Variants in KAZN observed in about 807,000 individuals in gnomAD.
The protein encoded by KAZN is kazrin, periplakin interacting protein.
A neutral mutation model predicts 87.4 loss-of-function variants in KAZN; 40 were observed. The observed-to-expected ratio is 0.46, with a 90% CI of 0.36 to 0.60. The LOEUF (loss-of-function observed/expected upper bound fraction) is 0.60, where lower values mean the gene tolerates loss of function less well. Among genes scored for constraint, KAZN ranks in the 20% least tolerant of loss-of-function variants. KAZN has a pLI of 0.00. For synonymous variants in KAZN, 466 were observed against 458.3 expected (o/e 1.02, Z -0.22); for missense variants, 898 against 1,073.9 (o/e 0.84, Z 2.29).
At chr1:14,601,571 T>C (rs1488876043) in intron 1 of KAZN, among the ~76,000 whole-genome samples, 1 of 152,204 alleles carries the variant, frequency 6.6e-6, no homozygotes, top group African/African-American at 2.4e-5. Context: ...GCTTTCATTA[T>C]CCTAAAAAGA....
At chr1:14,593,513 G>A (rs1676321586) in intron 2 of KAZN, among the ~76,000 whole-genome samples, 2 of 152,128 alleles carry the variant, frequency 1.3e-5, no homozygotes, top group South Asian at 4.1e-4. Context: ...TTATTCTTGG[G>A]AATTCCATGG....
At chr1:14,415,746 C>T (rs544061126) in intron 2 of KAZN, among the ~76,000 whole-genome samples, 3 of 152,170 alleles carry the variant, frequency 2.0e-5, no homozygotes, top group South Asian at 4.2e-4. Flanking sequence ...GGACATTTTG[C>T]CTTCCCTTCC....
chr1:14,436,112 C>G (rs1468281942), intron 2 of KAZN, among the ~76,000 whole-genome samples: 3 of 152,020 alleles, frequency 2.0e-5, no homozygotes, highest in Non-Finnish European at 4.4e-5. Context: ...GCCTGTAATC[C>G]CAGCTACTTG....
At chr1:14,139,827 G>T (rs1645192532) in intron 1 of KAZN, among the ~76,000 whole-genome samples, 1 of 152,184 alleles carries the variant, frequency 6.6e-6, no homozygotes, top group Admixed American at 6.5e-5. Context: ...GATCAGGTCA[G>T]ATTTTCTCTA....
chr1:14,993,648 G>T (rs1411871060), intron 2 of KAZN, among the ~76,000 whole-genome samples: 1 of 152,154 alleles, frequency 6.6e-6, no homozygotes, highest in Non-Finnish European at 1.5e-5. Context: ...GTCTGGGAGG[G>T]GGGTGATCGC....
intron 2 of KAZN, among the ~76,000 whole-genome samples, chr1:14,590,119 A>G (rs1294843053): frequency 1.3e-5 from 2 of 152,194 alleles, no homozygotes; most frequent in African/African-American, 4.8e-5. Context: ...CCAAGAAAGC[A>G]TCAAAAACAA....
chr1:14,756,342 C>T (rs1386572474), intron 1 of KAZN, among the ~76,000 whole-genome samples: 3 of 152,190 alleles, frequency 2.0e-5, no homozygotes, highest in Non-Finnish European at 4.4e-5. Flanking sequence ...CAAGCACGCC[C>T]CGGCAAGAGG....
At chr1:14,456,248 T>C (rs1033625892) in intron 2 of KAZN, among the ~76,000 whole-genome samples, 1 of 152,224 alleles carries the variant, frequency 6.6e-6, no homozygotes, top group African/African-American at 2.4e-5. Flanking sequence ...GTTCTTCTAC[T>C]TCCCTTGTGG....
At chr1:14,191,885 A>C (rs1463292760) in intron 2 of KAZN, among the ~76,000 whole-genome samples, 1 of 152,092 alleles carries the variant, frequency 6.6e-6, no homozygotes, top group East Asian at 1.9e-4. Context: ...CTCCCTCCAG[A>C]GCTATCCTAG....
At chr1:14,762,522 G>A (rs553337262) in intron 1 of KAZN, among the ~76,000 whole-genome samples, 53 of 152,124 alleles carry the variant, frequency 3.5e-4, no homozygotes, top group African/African-American at 1.2e-3. Context: ...TCAGGAAATC[G>A]AGACCATCCT....
chr1:14,483,183 A>G (rs1669175036), intron 2 of KAZN, among the ~76,000 whole-genome samples: 1 of 152,170 alleles, frequency 6.6e-6, no homozygotes, highest in African/African-American at 2.4e-5. Context: ...TCCAACAATA[A>G]AACCCATCCA....
intron 2 of KAZN, among the ~76,000 whole-genome samples, chr1:14,277,076 C>G (rs1203497788): frequency 6.6e-6 from 1 of 152,096 alleles, no homozygotes; most frequent in Non-Finnish European, 1.5e-5. Flanking sequence ...CTTTTTCTTT[C>G]TATTTTTTAC....
rs966520966 is a variant in KAZN at position 15,077,016 on chromosome 1, C to T, written c.1222+11263C>T. Among the ~76,000 whole-genome samples the T allele has an allele frequency of 4.6e-5, 7 of 152,198 alleles. No homozygotes were observed. Among genetic ancestry groups the T allele is most frequent in the Non-Finnish European group, 8.8e-5 (6 of 68,040 alleles). On this transcript the variant is annotated intron_variant, in intron 8 of 14. Transcript: ENST00000376030. The surrounding 1 kb of genome is among the most constrained non-coding windows in gnomAD (Gnocchi z 4.8). ...GTGACGTGGCCACGTGGGGCCAGCACGTGCTGTAGCAAAAGGAAGCAGCTC... is the reference window on the plus strand; with the variant it reads ...GTGACGTGGCCACGTGGGGCCAGCATGTGCTGTAGCAAAAGGAAGCAGCTC...
chr1:14,794,634 C>A (rs116752872), intron 1 of KAZN, among the ~76,000 whole-genome samples: 4,461 of 152,274 alleles, frequency 0.029, 110 homozygotes, highest in South Asian at 0.064. Flanking sequence ...TCATGGGAGT[C>A]GGCTCTCAGG....
Position 14,441,369 on chromosome 1 carries a change from G to GGCAGCGGCAGCAGCAGCAGCAGCA in KAZN, c.250-157610_250-157587dup, listed in dbSNP as rs1666695385. Among the ~76,000 whole-genome samples the GGCAGCGGCAGCAGCAGCAGCAGCA allele has an allele frequency of 2.6e-5, 4 of 151,990 alleles. No individual in the cohort carries two copies. The South Asian group carries it at 8.3e-4, about 31-fold the overall frequency. ...CCAGTATGTTGTTCCGGGCAGCAGC[G>GGCAGCGGCAGCAGCAGCAGCAGCA]GCAGCGGCAGCAGCAGCAGCAGCAG... On this transcript the variant is annotated intron_variant, in intron 2 of 16. Transcript: ENST00000636203.
chr1:13,960,972 T>C (rs1239234037), intron 1 of KAZN, among the ~76,000 whole-genome samples: 2 of 152,176 alleles, frequency 1.3e-5, no homozygotes, highest in Non-Finnish European at 2.9e-5. Flanking sequence ...CATTCATTCA[T>C]TTGATCAAAT....
Position 14,189,418 on chromosome 1 carries a change from A to AT in KAZN, c.249+8826_249+8827insT, listed in dbSNP as rs529586709. On this transcript the variant is annotated intron_variant, in intron 2 of 16. Transcript: ENST00000636203. The stretch of plus-strand genomic sequence containing the variant: ...TTTGTATCCGTGACTGCTGCCTTAA[A>AT]AAACCATCCCAAAACAGTGGCTTTA... 3.0e-3 allele frequency among the ~76,000 whole-genome samples: 450 copies of AT among 152,296 alleles called. 3 individuals are homozygous for AT. Among genetic ancestry groups the AT allele is most frequent in the African/African-American group, 0.01 (426 of 41,568 alleles).
At chr1:14,427,513 A>AACACCC (rs1553170837) in intron 2 of KAZN, among the ~76,000 whole-genome samples, 2 of 150,300 alleles carry the variant, frequency 1.3e-5, no homozygotes, top group Non-Finnish European at 3.0e-5. Context: ...CTATAATTTA[A>AACACCC]ACACACACAC....
chr1:14,697,950 G>A (rs1351607465), intron 1 of KAZN, among the ~76,000 whole-genome samples: 1 of 152,166 alleles, frequency 6.6e-6, no homozygotes, highest in African/African-American at 2.4e-5. Flanking sequence ...GCCCTTGGAA[G>A]TAGGAGAAAT....
Sources: gnomAD v4.1 joint callset for allele counts (sites outside exome capture counted in the v4.1 genomes callset) on GRCh38, gnomAD v4.1.1 for gene constraint, Gnocchi (gnomAD v3.1) non-coding constraint, MANE v1.5 for transcripts, NCBI Gene and HGNC (gene_info 2026-07-23, HGNC 2026-07-21) for gene names.